SLC9A3: variants seen among roughly 807,000 people sequenced by gnomAD.
SLC9A3 encodes solute carrier family 9 member A3, also known as sodium/hydrogen exchanger 3.
Under a neutral mutation model 86.8 loss-of-function variants are expected in SLC9A3, and 37 were observed. The ratio of observed to expected loss-of-function variants is 0.43; its 90% CI spans 0.33 to 0.56. The LOEUF is 0.56. SLC9A3 is among the 20% of genes least tolerant of loss of function. The pLI is 0.06. For missense variants in SLC9A3, 1,011 were observed against 1,171.9 expected, an observed-to-expected ratio of 0.86 and a Z score of 2.00; for synonymous variants, 581 against 528.3, an observed-to-expected ratio of 1.10 and a Z score of -1.37.
Position 472,609 on chromosome 5 carries a change from G to C in SLC9A3, c.*770C>G, listed in dbSNP as rs541166318. 2.5e-6 allele frequency: 1 copy of C among 407,856 alleles called. No individual in the cohort carries two copies. The highest frequency in any genetic ancestry group is 2.2e-5 in the African/African-American group (1 of 46,338). The allele number at this position is 407,856 out of a possible 1,614,324, so 25.3% of individuals were successfully genotyped here. A position where few individuals can be genotyped will look rare whatever the true frequency, so the allele number is the denominator to read the frequency against. ...AGGACGGAACCTGGGGGGGAAACGGGGCAGGTACTGGCTTTAGGAGTCTAA... is the reference window on the plus strand; with the variant it reads ...AGGACGGAACCTGGGGGGGAAACGGCGCAGGTACTGGCTTTAGGAGTCTAA... On this transcript the variant is annotated 3_prime_UTR_variant, in exon 17 of 17. Transcript: ENST00000264938.
intron 1 of SLC9A3, among the ~76,000 whole-genome samples, chr5:507,755 C>T (rs534147935): frequency 3.3e-4 from 39 of 119,340 alleles, no homozygotes; most frequent in East Asian, 1.8e-3. Context: ...GCCCGAATCC[C>T]CACCCCACAG....
intron 10 of SLC9A3, chr5:479,010 T>C (rs1423189908): frequency 1.3e-5 from 2 of 153,898 alleles, no homozygotes; most frequent in Non-Finnish European, 2.9e-5. Context: ...GAATGGAGTT[T>C]CCAGGCCCCC....
At position 497,879 on chromosome 5, in the gene SLC9A3, C is replaced by T. The variant is rs6891064; in HGVS notation, c.212-5808G>A. On this transcript the variant is annotated intron_variant, in intron 1 of 16. Coordinates refer to ENST00000264938, the MANE Select transcript of SLC9A3 (RefSeq NM_004174.4). The surrounding 1 kb of genome is among the most constrained non-coding windows in gnomAD (Gnocchi z 5.4). The stretch of plus-strand genomic sequence containing the variant: ...GGTCGCCCGGCCGCATCCCCAGCCT[C>T]TGCCCCTGTCCCGGGTGGGGTCGCC... Among the ~76,000 whole-genome samples, 12,788 of 138,942 alleles carry T rather than the reference C, an allele frequency of 0.092. 1,983 individuals are homozygous for T. Among genetic ancestry groups the T allele is most frequent in the East Asian group, 0.32 (1,364 of 4,238 alleles). 91.2% of individuals were successfully genotyped at this position (138,942 alleles called of 152,430 possible).
Position 476,517 on chromosome 5 carries a change from TCCAGCCC to T in SLC9A3, c.1890+19_1890+25del, listed in dbSNP as rs777711841. On this transcript the variant is annotated intron_variant, in intron 12 of 16. Coordinates refer to ENST00000264938, the MANE Select transcript of SLC9A3 (RefSeq NM_004174.4). Reference sequence around the variant, plus strand: ...GCCCCACGGGGTCCCTGCGGGGTCCTCCAGCCCCCAGCCCGCAGTGCCCACCTCCTGC... The same window carrying T: ...GCCCCACGGGGTCCCTGCGGGGTCCTCCAGCCCGCAGTGCCCACCTCCTGC... 38 of 1,606,922 alleles carry T rather than the reference TCCAGCCC, an allele frequency of 2.4e-5. No homozygotes were observed. In the African/African-American group the frequency reaches 2.8e-4, roughly 12 times the overall value.
At position 472,955 on chromosome 5, in the gene SLC9A3, C is replaced by G. The variant is rs528272761; in HGVS notation, c.*424G>C. 1.9e-5 allele frequency: 10 copies of G among 526,770 alleles called. No homozygotes were observed. The South Asian group carries it at 2.0e-4, about 11-fold the overall frequency. The allele number at this position is 526,770 out of a possible 1,614,324, so 32.6% of individuals were successfully genotyped here. A position where few individuals can be genotyped will look rare whatever the true frequency, so the allele number is the denominator to read the frequency against. On this transcript the variant is annotated 3_prime_UTR_variant, in exon 17 of 17. Transcript: ENST00000264938. ...AGCCATGGCGCGCGGACCCTTCCCG[C>G]CGGCGGCGTCACAGCGGCGTCTCCT...
intron 1 of SLC9A3, among the ~76,000 whole-genome samples, chr5:523,870 G>A (rs1336928833): frequency 6.6e-6 from 1 of 152,144 alleles, no homozygotes; most frequent in Non-Finnish European, 1.5e-5. Flanking sequence ...CCCGGGAGCC[G>A]GGAGTCCGGG....
At position 497,416 on chromosome 5, in the gene SLC9A3, G is replaced by A. The variant is rs977285603; in HGVS notation, c.212-5345C>T. On this transcript the variant is annotated intron_variant, in intron 1 of 16. Coordinates refer to ENST00000264938, the MANE Select transcript of SLC9A3 (RefSeq NM_004174.4). The surrounding 1 kb of genome is among the most constrained non-coding windows in gnomAD (Gnocchi z 5.4). ...CTGGCGTCCACCCTCGAGCATTTGC[G>A]AATGTCAGGCTGACACCTGTGTCTG... Among the ~76,000 whole-genome samples, 4 of 152,132 alleles carry A rather than the reference G, an allele frequency of 2.6e-5. No homozygotes were observed. The highest frequency in any genetic ancestry group is 2.1e-4 in the South Asian group (1 of 4,822).
Position 491,808 on chromosome 5 carries a change from C to T in SLC9A3, c.475G>A (p.Gly159Arg), listed in dbSNP as rs756156907. 14 of 1,584,706 alleles carry T rather than the reference C, an allele frequency of 8.8e-6. No individual in the cohort carries two copies. Among genetic ancestry groups the T allele is most frequent in the Non-Finnish European group, 1.0e-5 (12 of 1,165,778 alleles). The stretch of plus-strand genomic sequence containing the variant: ...AGGAAGACGCCGTAGAGGGACAGCC[C>T]GGTGGTGGCCGCGTTCCACACGGTA... ...VGTVWNAATT[G>R]LSLYGVFLSG... is the part of the protein sequence containing the mutation. Residue 159 changes from glycine (G) to arginine (R), a missense_variant, in exon 2 of 17, where the codon GGG (glycine) becomes AGG (arginine). Gly to Arg is a moderately radical substitution (Grantham distance 125). Around this residue, in one of 3 missense-constraint regions of SLC9A3, gnomAD observed 565 missense variants for 790.0 expected, o/e 0.72. Transcript: ENST00000264938. The surrounding 1 kb of genome is among the most constrained non-coding windows in gnomAD (Gnocchi z 9.2).
intron 1 of SLC9A3, among the ~76,000 whole-genome samples, chr5:492,424 G>C (rs1313511354): frequency 6.9e-6 from 1 of 144,492 alleles, no homozygotes; most frequent in Non-Finnish European, 1.5e-5. Flanking sequence ...GACCTGCGGG[G>C]GAGGGGAGGG....
chr5:486,070 GC>G (rs1739448016), intron 3 of SLC9A3, among the ~76,000 whole-genome samples: 2 of 151,964 alleles, frequency 1.3e-5, no homozygotes, highest in Admixed American at 1.3e-4. Context: ...CGTCTGGTGT[GC>G]GACACCCACA....
intron 1 of SLC9A3, among the ~76,000 whole-genome samples, chr5:509,532 G>T (rs566168673): frequency 6.6e-6 from 1 of 151,678 alleles, no homozygotes; most frequent in East Asian, 2.0e-4. Flanking sequence ...GGAAGGAAGG[G>T]TTTGAGGGCA....
intron 16 of SLC9A3, among the ~76,000 whole-genome samples, chr5:474,036 TC>T (rs1738554872): frequency 6.6e-6 from 1 of 152,052 alleles, no homozygotes; most frequent in African/African-American, 2.4e-5. Context: ...CTGTCCGGGC[TC>T]CTGAGGGAGG....
intron 2 of SLC9A3, among the ~76,000 whole-genome samples, chr5:489,661 G>A (rs751386975): frequency 8.5e-5 from 13 of 152,208 alleles, no homozygotes; most frequent in African/African-American, 2.7e-4. Flanking sequence ...ATGTTGGAAC[G>A]GGAACCACAC....
rs74468804 is a variant in SLC9A3, at chr5:476,576, C to T, written c.1857G>A (p.Thr619=). The T allele has an allele frequency of 1.7e-3, 2,771 of 1,611,364 alleles. 36 individuals are homozygous for T. In the African/African-American group the frequency reaches 0.028, roughly 16 times the overall value. ...RDAEDMVTHH[T]LQQYLYKPRQ... ...GCGGCTTGTACAGGTACTGCTGTAG[C>T]GTGTGGTGCGTGACCATGTCCTCCG... is the stretch of plus-strand genomic sequence containing the variant. Residue 619 remains threonine (T), a synonymous_variant, in exon 12 of 17, where the codon ACG becomes ACA. Coordinates refer to ENST00000264938, the MANE Select transcript of SLC9A3 (RefSeq NM_004174.4).
intron 1 of SLC9A3, among the ~76,000 whole-genome samples, chr5:493,864 C>A (rs959268372): frequency 6.6e-5 from 10 of 152,220 alleles, no homozygotes; most frequent in Non-Finnish European, 1.2e-4. Flanking sequence ...ATCTGAGCTC[C>A]ACACCTGTCA....
intron 3 of SLC9A3, among the ~76,000 whole-genome samples, chr5:485,998 C>T (rs906914932): frequency 6.6e-6 from 1 of 152,220 alleles, no homozygotes; most frequent in Non-Finnish European, 1.5e-5. Context: ...GCGGGGCACA[C>T]GGGGCTGTCA....
At position 500,811 on chromosome 5, in the gene SLC9A3, G is replaced by A. The variant is rs376105914; in HGVS notation, c.212-8740C>T. Among the ~76,000 whole-genome samples, 17 of 150,648 alleles carry A rather than the reference G, an allele frequency of 1.1e-4. No homozygotes were observed. The South Asian group carries it at 3.4e-3, about 30-fold the overall frequency. ...GTGTGGAAGGGGCTGGTGTGGATGGGGCAGGCGTGGATGGGGCTGGTGGGT... is the reference window on the plus strand; with the variant it reads ...GTGTGGAAGGGGCTGGTGTGGATGGAGCAGGCGTGGATGGGGCTGGTGGGT... On this transcript the variant is annotated intron_variant, in intron 1 of 16. Coordinates refer to ENST00000264938, the MANE Select transcript of SLC9A3 (RefSeq NM_004174.4).
intron 1 of SLC9A3, among the ~76,000 whole-genome samples, chr5:501,687 C>T (rs553065487): frequency 5.3e-5 from 8 of 152,344 alleles, no homozygotes; most frequent in South Asian, 2.1e-4. Flanking sequence ...CAGCAGAGCT[C>T]GCCAGCACAC....
chr5:475,885 A>G (rs1293395494), intron 14 of SLC9A3, 135 bp downstream of exon 14: 5 of 814,754 alleles, frequency 6.1e-6, no homozygotes, highest in Non-Finnish European at 9.7e-6. Flanking sequence ...GGCCCTGACC[A>G]TGCCTCCCCT....
Sources: allele counts gnomAD v4.1 joint callset (sites outside exome capture counted in the v4.1 genomes callset), GRCh38; gene constraint gnomAD v4.1.1; regional missense constraint gnomAD v4.1.1; non-coding constraint Gnocchi (gnomAD v3.1); transcripts MANE v1.5; gene names NCBI Gene and HGNC (gene_info 2026-07-23, HGNC 2026-07-21).